The following SLC30A9 variants were observed in gnomAD, a reference collection of about 807,000 sequenced individuals.
SLC30A9 encodes the protein proton-coupled zinc antiporter SLC30A9, mitochondrial.
Under a neutral mutation model 87.5 loss-of-function variants are expected in SLC30A9, and 58 were observed. The ratio of observed to expected loss-of-function variants is 0.66; its 90% CI spans 0.54 to 0.82. The LOEUF (loss-of-function observed/expected upper bound fraction) is 0.82. SLC30A9 is among the 40% of genes least tolerant of loss of function. SLC30A9 has a pLI of 0.00. For synonymous variants in SLC30A9, 234 were observed against 233.0 expected, an observed-to-expected ratio of 1.00 and a Z score of -0.04; for missense variants, 557 against 679.1, an observed-to-expected ratio of 0.82 and a Z score of 2.00.
At position 42,066,560 on chromosome 4, in the gene SLC30A9, T is replaced by C. The variant is rs770669898; in HGVS notation, c.1083T>C (p.Leu361=). Reference sequence around the variant, plus strand: ...ATGCTTTTCTTTTAGCAACACTTCTTGTTGCTGTAAATGAACTTCGTAGGA... The same window carrying C: ...ATGCTTTTCTTTTAGCAACACTTCTCGTTGCTGTAAATGAACTTCGTAGGA... ...GSLVSEGATL[L]VAVNELRRNA... Residue 361 remains leucine (L), a synonymous_variant, in exon 13 of 18, where the codon CTT becomes CTC. Transcript: ENST00000264451. 4 of 1,603,426 alleles carry C rather than the reference T, an allele frequency of 2.5e-6. No homozygotes were observed. The highest frequency in any genetic ancestry group is 1.3e-5 in the African/African-American group (1 of 74,762).
Position 42,001,711 on chromosome 4 carries a change from A to G in SLC30A9, c.205A>G (p.Thr69Ala), listed in dbSNP as rs774310888. Residue 69 changes from threonine (T) to alanine (A), a missense_variant, in exon 2 of 18, where the codon ACA (threonine) becomes GCA (alanine). Around this residue, in one of 2 missense-constraint regions of SLC30A9, gnomAD observed 467 missense variants for 529.8 expected, o/e 0.88. Transcript: ENST00000264451. ...GTLSQVKLYS[T>A]NVQKEGQGSQ... ...CCTGAGTCAAGTAAAGTTGTACTCC[A>G]CAAATGTTCAGAAAGAAGGACAGGG... 45 of 1,611,508 alleles carry G rather than the reference A, an allele frequency of 2.8e-5. No individual in the cohort carries two copies. The highest frequency in any genetic ancestry group is 3.8e-5 in the Non-Finnish European group (45 of 1,178,292).
intron 7 of SLC30A9, among the ~76,000 whole-genome samples, chr4:42,037,529 G>A (rs1352577517): frequency 2.0e-5 from 3 of 151,858 alleles, no homozygotes; most frequent in Non-Finnish European, 4.4e-5. Context: ...CTCCACAATA[G>A]TATCACCTTG....
intron 6 of SLC30A9, chr4:42,029,361 C>T (rs1303262334): frequency 8.6e-6 from 5 of 582,476 alleles, no homozygotes; most frequent in Middle Eastern, 3.1e-4. Context: ...GCATCTTCAT[C>T]GGAATGATCC....
chr4:42,060,134 A>T, intron 9 of SLC30A9, 57 bp from the exon 10 acceptor site: 1 of 1,350,866 alleles, frequency 7.4e-7, no homozygotes, highest in African/African-American at 1.4e-5. Context: ...TGGCTTTACC[A>T]TATTATACTC....
At chr4:42,011,531 G>A (rs1715443192) in intron 2 of SLC30A9, among the ~76,000 whole-genome samples, 1 of 152,162 alleles carries the variant, frequency 6.6e-6, no homozygotes, top group South Asian at 2.1e-4. Flanking sequence ...GTTTTGCATA[G>A]AGGTATTAGA....
chr4:42,090,281 C>T lies in SLC30A9; in HGVS notation c.*4155C>T, dbSNP rs978953722. 1.3e-5 allele frequency: 2 copies of T among 152,204 alleles called. No homozygotes were observed. Among genetic ancestry groups the T allele is most frequent in the East Asian group, 1.9e-4 (1 of 5,200 alleles). 9.4% of individuals were successfully genotyped at this position (152,204 alleles called of 1,614,324 possible). The stretch of plus-strand genomic sequence containing the variant: ...AAGCCATTTATATAGATTAGTCTGA[C>T]AGCCTTTATATTTGCATGTAAGTTT... On this transcript the variant is annotated 3_prime_UTR_variant, in exon 18 of 18. Coordinates refer to ENST00000264451, the MANE Select transcript of SLC30A9 (RefSeq NM_006345.4).
At chr4:42,040,748 A>G (rs1716888257) in intron 8 of SLC30A9, among the ~76,000 whole-genome samples, 1 of 147,640 alleles carries the variant, frequency 6.8e-6, no homozygotes, top group Admixed American at 6.8e-5. Flanking sequence ...GTGAGCCAAG[A>G]TTGCGCCACT....
At chr4:42,004,579 CT>C (rs1176462776) in intron 2 of SLC30A9, among the ~76,000 whole-genome samples, 1 of 151,598 alleles carries the variant, frequency 6.6e-6, no homozygotes, top group Non-Finnish European at 1.5e-5. Context: ...CTAATTTCCT[CT>C]TTAGTTGCCT....
At chr4:42,034,521 A>C (rs1716597818) in intron 6 of SLC30A9, among the ~76,000 whole-genome samples, 1 of 151,960 alleles carries the variant, frequency 6.6e-6, no homozygotes, top group South Asian at 2.1e-4. Flanking sequence ...GGAGTCATAC[A>C]GTGTATGTCC....
At chr4:42,020,598 A>G in intron 4 of SLC30A9, 83 bp downstream of exon 4, 1 of 693,308 alleles carries the variant, frequency 1.4e-6, no homozygotes, top group Non-Finnish European at 2.4e-6. Context: ...GTTACCTGCT[A>G]CCATCCATAT....
intron 15 of SLC30A9, among the ~76,000 whole-genome samples, chr4:42,075,049 A>T (rs1237048840): frequency 4.7e-5 from 1 of 21,124 alleles, no homozygotes; most frequent in Non-Finnish European, 8.7e-5. Flanking sequence ...ATATATATAT[A>T]TATATATATA....
At chr4:42,050,849 G>A (rs1717355274) in intron 9 of SLC30A9, among the ~76,000 whole-genome samples, 1 of 152,132 alleles carries the variant, frequency 6.6e-6, no homozygotes, top group African/African-American at 2.4e-5. Context: ...GGAGCAGGAT[G>A]GGAAATAACA....
At chr4:41,997,173 A>G (rs1317986118) in intron 1 of SLC30A9, among the ~76,000 whole-genome samples, 1 of 146,536 alleles carries the variant, frequency 6.8e-6, no homozygotes, top group East Asian at 2.1e-4. Context: ...AAAAAAAAAG[A>G]TTCTCTGTTT....
rs1718965725 is a variant in SLC30A9, at chr4:42,087,554, A to G, written c.*1428A>G. On this transcript the variant is annotated 3_prime_UTR_variant, in exon 18 of 18. Coordinates refer to ENST00000264451, the MANE Select transcript of SLC30A9 (RefSeq NM_006345.4). Reference sequence around the variant, plus strand: ...TGGTGATTTTTGACCCAGAAATCTCATTTACTGGAAAATTGTGAGACTTTA... The same window carrying G: ...TGGTGATTTTTGACCCAGAAATCTCGTTTACTGGAAAATTGTGAGACTTTA... 1 of 150,982 alleles carries G rather than the reference A, an allele frequency of 6.6e-6. No individual in the cohort carries two copies. Among genetic ancestry groups the G allele is most frequent in the Non-Finnish European group, 1.5e-5 (1 of 67,804 alleles). 9.4% of individuals were successfully genotyped at this position (150,982 alleles called of 1,614,324 possible).
chr4:42,042,908 C>T (rs1263900944), intron 8 of SLC30A9, among the ~76,000 whole-genome samples: 1 of 152,170 alleles, frequency 6.6e-6, no homozygotes, highest in Non-Finnish European at 1.5e-5. Context: ...TGTTCTGCAG[C>T]CCCTGCTGTT....
At chr4:42,053,028 A>AC (rs35167312) in intron 9 of SLC30A9, among the ~76,000 whole-genome samples, 100,603 of 152,084 alleles carry the variant, frequency 0.66, 37,261 homozygotes, top group East Asian at 0.96. Flanking sequence ...TAAAATGAGA[A>AC]CCAGTTTTTT....
chr4:41,995,925 G>C (rs1174971694), intron 1 of SLC30A9, among the ~76,000 whole-genome samples: 1 of 152,140 alleles, frequency 6.6e-6, no homozygotes, highest in Non-Finnish European at 1.5e-5. Context: ...ATCCAGGCTG[G>C]TCTCAAACTC....
intron 6 of SLC30A9, chr4:42,029,723 A>T (rs1256986227): frequency 5.4e-6 from 4 of 735,850 alleles, no homozygotes; most frequent in Non-Finnish European, 1.0e-5. Context: ...ACAGCTACGA[A>T]GAGGGCAAAC....
At chr4:42,029,934 C>A (rs1716350725) in intron 6 of SLC30A9, 9 of 802,908 alleles carry the variant, frequency 1.1e-5, no homozygotes. Flanking sequence ...TTTTCCTCTG[C>A]AGAATTATCC....
Sources: allele counts gnomAD v4.1 joint callset (sites outside exome capture counted in the v4.1 genomes callset), GRCh38; gene constraint gnomAD v4.1.1; regional missense constraint gnomAD v4.1.1; transcripts MANE v1.5; gene names NCBI Gene and HGNC (gene_info 2026-07-23, HGNC 2026-07-21).